Variants in ROBO2 observed in about 807,000 individuals in gnomAD.
ROBO2 encodes roundabout homolog 2.
ROBO2 carries 53 observed loss-of-function variants against 160.8 expected under a neutral mutation model. That is an observed-to-expected ratio of 0.33 (90% CI 0.26 to 0.41). The LOEUF is 0.41. Among genes scored for constraint, ROBO2 ranks in the 10% least tolerant of loss-of-function variants. The probability of loss-of-function intolerance (pLI) is 1.00; values close to 1 mark genes in which losing one functional copy is unlikely to be tolerated. For synonymous variants in ROBO2, 664 were observed against 611.7 expected (o/e 1.09, Z -1.26); for missense variants, 1,577 against 1,722.4 (o/e 0.92, Z 1.49).
intron 2 of ROBO2, among the ~76,000 whole-genome samples, chr3:76,603,318 C>T (rs1179395918): frequency 6.7e-5 from 6 of 89,648 alleles, no homozygotes; most frequent in East Asian, 3.9e-4. Context: ...GGTGACAGAG[C>T]GAGACTCCAT....
intron 1 of ROBO2, among the ~76,000 whole-genome samples, chr3:75,926,311 A>G (rs112617937): frequency 1.6e-3 from 247 of 152,284 alleles, no homozygotes; most frequent in African/African-American, 5.8e-3. Flanking sequence ...AGCTTGTGCC[A>G]TGGGGTTGGT....
At chr3:76,261,578 A>T (rs1706768044) in intron 2 of ROBO2, among the ~76,000 whole-genome samples, 1 of 152,086 alleles carries the variant, frequency 6.6e-6, no homozygotes, top group South Asian at 2.1e-4. Flanking sequence ...ATGAAATACA[A>T]TTTAAAATCT....
chr3:76,866,016 C>T (rs1431237742), intron 2 of ROBO2, among the ~76,000 whole-genome samples: 3 of 152,070 alleles, frequency 2.0e-5, no homozygotes, highest in Non-Finnish European at 4.4e-5. Flanking sequence ...TTAAGCCTTA[C>T]CAGCCAAATT....
chr3:77,234,213 T>C (rs2087623104), intron 2 of ROBO2, among the ~76,000 whole-genome samples: 1 of 152,158 alleles, frequency 6.6e-6, no homozygotes, highest in South Asian at 2.1e-4. Flanking sequence ...GAGCAACAGT[T>C]CATATTGTCT....
At chr3:76,682,233 A>G (rs1031277667) in intron 2 of ROBO2, among the ~76,000 whole-genome samples, 9 of 152,134 alleles carry the variant, frequency 5.9e-5, no homozygotes, top group African/African-American at 2.2e-4. Context: ...AATATCAACT[A>G]TGGACTCAGG....
At chr3:75,962,672 T>C (rs1364596445) in intron 2 of ROBO2, among the ~76,000 whole-genome samples, 4 of 151,962 alleles carry the variant, frequency 2.6e-5, no homozygotes, top group Non-Finnish European at 5.9e-5. Flanking sequence ...TGTTTCCTTC[T>C]TGATGGAAGC....
At chr3:77,477,322 A>G (rs990052217) in intron 2 of ROBO2, 92 bp from the exon 3 acceptor site, 4 of 1,315,678 alleles carry the variant, frequency 3.0e-6, no homozygotes, top group South Asian at 1.2e-5. Flanking sequence ...TTTTACTAGA[A>G]CAAGGTAAAC....
intron 2 of ROBO2, among the ~76,000 whole-genome samples, chr3:77,107,790 T>A (rs1292755189): frequency 6.6e-6 from 1 of 152,072 alleles, no homozygotes; most frequent in Non-Finnish European, 1.5e-5. Flanking sequence ...ACATTTTTTG[T>A]GTGTGATTAT....
At chr3:76,412,520 G>A (rs543487205) in intron 2 of ROBO2, among the ~76,000 whole-genome samples, 4 of 152,284 alleles carry the variant, frequency 2.6e-5, no homozygotes, top group East Asian at 3.9e-4. Context: ...TACTTGCTAG[G>A]TGCAATGGGA....
chr3:76,436,555 C>T (rs544555059), intron 2 of ROBO2, among the ~76,000 whole-genome samples: 150 of 148,982 alleles, frequency 1.0e-3, no homozygotes, highest in African/African-American at 3.5e-3. Flanking sequence ...AAATAGGCAA[C>T]TTTTTTTTTT....
intron 2 of ROBO2, among the ~76,000 whole-genome samples, chr3:76,256,199 G>A (rs1321355119): frequency 6.6e-6 from 1 of 151,860 alleles, no homozygotes; most frequent in Admixed American, 6.6e-5. Flanking sequence ...AGTCCCAGCT[G>A]CTAGGGAGGC....
chr3:76,850,188 C>A (rs566988135), intron 2 of ROBO2, among the ~76,000 whole-genome samples: 93 of 147,452 alleles, frequency 6.3e-4, no homozygotes, highest in Non-Finnish European at 1.1e-3. Context: ...AAAAAGTTTT[C>A]TCTATCTTCA....
intron 2 of ROBO2, among the ~76,000 whole-genome samples, chr3:77,131,324 G>C: frequency 6.6e-6 from 1 of 152,140 alleles, no homozygotes; most frequent in East Asian, 1.9e-4. Flanking sequence ...GGTTCTTTTA[G>C]CCTTCAGTAG....
chr3:76,576,818 G>T (rs893213809), intron 2 of ROBO2, among the ~76,000 whole-genome samples: 3 of 145,438 alleles, frequency 2.1e-5, no homozygotes, highest in African/African-American at 7.6e-5. Flanking sequence ...GAAAATGAGA[G>T]TATTATTTTT....
At chr3:76,127,361 C>T (rs2071028714) in intron 2 of ROBO2, among the ~76,000 whole-genome samples, 1 of 151,980 alleles carries the variant, frequency 6.6e-6, no homozygotes, top group Admixed American at 6.6e-5. Flanking sequence ...ATAAGTGTTT[C>T]TTAATATAAG....
intron 2 of ROBO2, among the ~76,000 whole-genome samples, chr3:77,033,244 C>T (rs1215203417): frequency 6.6e-6 from 1 of 152,124 alleles, no homozygotes; most frequent in Non-Finnish European, 1.5e-5. Flanking sequence ...CATTCATTAC[C>T]CCTTCTCTTT....
At chr3:77,032,601 C>G (rs2063388282) in intron 2 of ROBO2, among the ~76,000 whole-genome samples, 1 of 152,052 alleles carries the variant, frequency 6.6e-6, no homozygotes, top group Non-Finnish European at 1.5e-5. Context: ...TTTGTCAGCA[C>G]AGGTGAAGTC....
chr3:77,356,797 G>A (rs1446342850), intron 2 of ROBO2, among the ~76,000 whole-genome samples: 6 of 152,086 alleles, frequency 3.9e-5, no homozygotes, highest in African/African-American at 9.7e-5. Context: ...AAAATATAAA[G>A]TATATATGAC....
chr3:76,317,275 A>G (rs991950179), intron 2 of ROBO2, among the ~76,000 whole-genome samples: 4 of 152,246 alleles, frequency 2.6e-5, no homozygotes, highest in Non-Finnish European at 5.9e-5. Context: ...TTAATTACAC[A>G]TTTCTTACTT....
Sources: allele counts gnomAD v4.1 joint callset (sites outside exome capture counted in the v4.1 genomes callset), GRCh38; gene constraint gnomAD v4.1.1; transcripts MANE v1.5; gene names NCBI Gene and HGNC (gene_info 2026-07-23, HGNC 2026-07-21).